Variants in TMEM182 observed in about 807,000 individuals in gnomAD.
TMEM182 encodes transmembrane protein 182.
TMEM182 carries 20 observed loss-of-function variants against 26.8 expected under a neutral mutation model. That is an observed-to-expected ratio of 0.75 (90% CI 0.53 to 1.09). The LOEUF (loss-of-function observed/expected upper bound fraction) is 1.09. Ranked by LOEUF, TMEM182 falls within the 50% of genes least tolerant of loss-of-function variation. TMEM182 has a pLI of 0.00. For synonymous variants in TMEM182, 109 were observed against 102.2 expected (o/e 1.07, Z -0.40); for missense variants, 277 against 275.5 (o/e 1.01, Z -0.04).
At chr2:102,789,886 TC>T (rs1373408243) in intron 3 of TMEM182, among the ~76,000 whole-genome samples, 1 of 151,974 alleles carries the variant, frequency 6.6e-6, no homozygotes, top group African/African-American at 2.4e-5. Flanking sequence ...TACCCCACAT[TC>T]CATGGAACTC....
At chr2:102,794,281 C>T (rs1342506154) in intron 3 of TMEM182, among the ~76,000 whole-genome samples, 2 of 152,192 alleles carry the variant, frequency 1.3e-5, no homozygotes, top group Non-Finnish European at 2.9e-5. Context: ...CGGACTCCAA[C>T]ACCTATGTTT....
chr2:102,790,370 T>C (rs1352328114), intron 3 of TMEM182, among the ~76,000 whole-genome samples: 1 of 152,236 alleles, frequency 6.6e-6, no homozygotes, highest in Non-Finnish European at 1.5e-5. Flanking sequence ...CAGGCTGCTT[T>C]TGCCTATCAT....
intron 3 of TMEM182, among the ~76,000 whole-genome samples, chr2:102,837,370 A>C (rs1453543577): frequency 6.6e-6 from 1 of 152,250 alleles, no homozygotes; most frequent in African/African-American, 2.4e-5. Flanking sequence ...CATGAACAGC[A>C]AAGCATTGAC....
chr2:102,775,257 C>T (rs1680859775), intron 3 of TMEM182: 2 of 152,076 alleles, frequency 1.3e-5, no homozygotes, highest in Admixed American at 6.6e-5. Context: ...TAAATGTAAT[C>T]CAGCATATAA....
chr2:102,822,124 T>A (rs1321972622), downstream of TMEM182, among the ~76,000 whole-genome samples: 1 of 152,168 alleles, frequency 6.6e-6, no homozygotes, highest in Non-Finnish European at 1.5e-5. Context: ...GCAACTATTA[T>A]ATGTCAATAA....
intron 4 of TMEM182, among the ~76,000 whole-genome samples, chr2:102,812,666 G>A (rs968334319): frequency 2.0e-5 from 3 of 152,034 alleles, no homozygotes; most frequent in Non-Finnish European, 4.4e-5. Context: ...TTCAGTGATG[G>A]GTTTTTCAAT....
At chr2:102,800,192 C>T (rs1016882842) in intron 4 of TMEM182, among the ~76,000 whole-genome samples, 5 of 152,114 alleles carry the variant, frequency 3.3e-5, no homozygotes, top group South Asian at 2.1e-4. Flanking sequence ...TATAATTCAG[C>T]GTAGGGTTTT....
At chr2:102,765,140 T>C (rs553154118) in intron 3 of TMEM182, among the ~76,000 whole-genome samples, 1 of 152,174 alleles carries the variant, frequency 6.6e-6, no homozygotes, top group Non-Finnish European at 1.5e-5. Flanking sequence ...CATAAATATA[T>C]ATTATATACA....
At chr2:102,804,222 C>A (rs1402204505) in intron 4 of TMEM182, among the ~76,000 whole-genome samples, 2 of 151,384 alleles carry the variant, frequency 1.3e-5, no homozygotes, top group African/African-American at 4.9e-5. Context: ...TGAGTAAATT[C>A]TTTAGCAGTG....
At chr2:102,785,744 G>A (rs1046566849) in intron 3 of TMEM182, among the ~76,000 whole-genome samples, 9 of 152,136 alleles carry the variant, frequency 5.9e-5, no homozygotes, top group Admixed American at 3.3e-4. Flanking sequence ...ATTCCAAGAT[G>A]TGTAATAACA....
chr2:102,739,494 C>T (rs189670881), intron 1 of TMEM182, among the ~76,000 whole-genome samples: 22 of 152,226 alleles, frequency 1.4e-4, no homozygotes, highest in Admixed American at 1.3e-3. Flanking sequence ...TGGTTTCTCA[C>T]GAATGGTTTA....
At chr2:102,765,050 A>T (rs1453984599) in intron 3 of TMEM182, among the ~76,000 whole-genome samples, 1 of 152,094 alleles carries the variant, frequency 6.6e-6, no homozygotes, top group African/African-American at 2.4e-5. Context: ...GTTTTTCAAA[A>T]ATAGTAGCTA....
Position 102,815,260 on chromosome 2 carries a change from G to T in TMEM182, c.*292G>T. The T allele has an allele frequency of 8.9e-7, 1 of 1,123,308 alleles. No homozygotes were observed. Among genetic ancestry groups the T allele is most frequent in the Non-Finnish European group, 1.1e-6 (1 of 917,418 alleles). The allele number at this position is 1,123,308 out of a possible 1,614,324, so 69.6% of individuals were successfully genotyped here. ...GAGTTCATGCAGGTCGCAAAGGCCTGATAATAGCTTAATACCATGACATGG... is the reference window on the plus strand; with the variant it reads ...GAGTTCATGCAGGTCGCAAAGGCCTTATAATAGCTTAATACCATGACATGG... On this transcript the variant is annotated 3_prime_UTR_variant, in exon 5 of 5. Transcript: ENST00000412401.
chr2:102,753,325 G>A lies in TMEM182; in HGVS notation c.-82-5064G>A, dbSNP rs1002064191. ...GTATTTTTGTTATAAAGCCCCCTTG[G>A]TGTGAATTACTTGTATAGGTGACTC... is the stretch of plus-strand genomic sequence containing the variant. On this transcript the variant is annotated intron_variant, in intron 1 of 5. Transcript: ENST00000409173. 1.3e-5 allele frequency among the ~76,000 whole-genome samples: 2 copies of A among 152,086 alleles called. 1 individual carries two copies. Among genetic ancestry groups the A allele is most frequent in the Non-Finnish European group, 2.9e-5 (2 of 68,018 alleles).
chr2:102,816,590 T>G lies in TMEM182; in HGVS notation c.*1622T>G. On this transcript the variant is annotated 3_prime_UTR_variant, in exon 5 of 5. Transcript: ENST00000412401. ...CTGGTTTCTCAAGTCATTTCAGTGATATCATTGAAACGTTTTTGTGGTACT... is the reference window on the plus strand; with the variant it reads ...CTGGTTTCTCAAGTCATTTCAGTGAGATCATTGAAACGTTTTTGTGGTACT... 1 of 985,040 alleles carries G rather than the reference T, an allele frequency of 1.0e-6. No individual in the cohort carries two copies. Among genetic ancestry groups the G allele is most frequent in the South Asian group, 4.7e-5 (1 of 21,258 alleles). The allele number at this position is 985,040 out of a possible 1,614,324, so 61.0% of individuals were successfully genotyped here. A position where few individuals can be genotyped will look rare whatever the true frequency, so the allele number is the denominator to read the frequency against.
intron 2 of TMEM182, 41 bp downstream of exon 2, chr2:102,762,727 A>G: frequency 6.5e-7 from 1 of 1,544,350 alleles, no homozygotes; most frequent in Non-Finnish European, 8.9e-7. Context: ...TGTCTGTAAA[A>G]TAAAAATGAA....
rs1329541709 is a variant in TMEM182 at position 102,762,129 on chromosome 2, T to C, written c.-89T>C. ...CAACTCAAAAATATTATTCTTTTTT[T>C]TTTTTTTTTGCTGTTGTTTCTGAGA... On this transcript the variant is annotated 5_prime_UTR_variant, in exon 1 of 5. Coordinates refer to ENST00000412401, the MANE Select transcript of TMEM182 (RefSeq NM_144632.5). 1 of 1,061,708 alleles carries C rather than the reference T, an allele frequency of 9.4e-7. No individual in the cohort carries two copies. The highest frequency in any genetic ancestry group is 1.3e-6 in the Non-Finnish European group (1 of 747,436). 65.8% of individuals were successfully genotyped at this position (1,061,708 alleles called of 1,614,324 possible).
At chr2:102,753,199 C>CCCCT (rs1553436434) in intron 1 of TMEM182, among the ~76,000 whole-genome samples, 29 of 139,030 alleles carry the variant, frequency 2.1e-4, no homozygotes, top group African/African-American at 6.3e-4. Context: ...AAGCTTCCCC[C>CCCCT]CCCCACTGCC....
At chr2:102,791,775 T>C (rs1319201706) in intron 3 of TMEM182, among the ~76,000 whole-genome samples, 1 of 152,154 alleles carries the variant, frequency 6.6e-6, no homozygotes, top group Admixed American at 6.5e-5. Flanking sequence ...AAGTTAAACA[T>C]TGAATTGTAT....
Sources: gnomAD v4.1 joint callset for allele counts (sites outside exome capture counted in the v4.1 genomes callset) on GRCh38, gnomAD v4.1.1 for gene constraint, MANE v1.5 for transcripts, NCBI Gene and HGNC (gene_info 2026-07-23, HGNC 2026-07-21) for gene names.